ACACA: variants seen among roughly 807,000 people sequenced by gnomAD.
ACACA encodes acetyl-CoA carboxylase alpha.
In ACACA, 103 loss-of-function variants were observed where a neutral mutation model predicts 296.1. The observed-to-expected ratio is 0.35, with a 90% CI of 0.30 to 0.41. The LOEUF (loss-of-function observed/expected upper bound fraction) is 0.41, where lower values mean the gene tolerates loss of function less well. Ranked by LOEUF, ACACA falls within the 10% of genes least tolerant of loss-of-function variation. The pLI, the probability that ACACA is intolerant of heterozygous loss-of-function variation, is 1.00. For missense variants in ACACA, 1,554 were observed against 2,989.7 expected, an observed-to-expected ratio of 0.52 and a Z score of 11.20; for synonymous variants, 953 against 1,038.6, an observed-to-expected ratio of 0.92 and a Z score of 1.58.
At chr17:37,159,782 C>G (rs2076392355) in intron 42 of ACACA, among the ~76,000 whole-genome samples, 1 of 152,062 alleles carries the variant, frequency 6.6e-6, no homozygotes, top group Non-Finnish European at 1.5e-5. Context: ...TAGAATATTT[C>G]CATCATCTCC....
chr17:37,252,863 T>G, intron 15 of ACACA, 23 bp downstream of exon 15: 1 of 1,613,916 alleles, frequency 6.2e-7, no homozygotes, highest in Non-Finnish European at 8.5e-7. Flanking sequence ...AATCCCAGCA[T>G]CTGTTTGTGG....
chr17:37,164,648 T>G (rs776775705), intron 41 of ACACA, among the ~76,000 whole-genome samples: 1 of 152,222 alleles, frequency 6.6e-6, no homozygotes, highest in Non-Finnish European at 1.5e-5. Context: ...TCTAAGAAGC[T>G]AGTTAATATA....
chr17:37,173,589 T>C (rs2144700651), intron 41 of ACACA, among the ~76,000 whole-genome samples: 1 of 152,244 alleles, frequency 6.6e-6, no homozygotes, highest in East Asian at 1.9e-4. Context: ...ATTTGTCATA[T>C]CACTGTGTAT....
chr17:37,234,880 G>A, intron 25 of ACACA, 95 bp downstream of exon 25: 1 of 1,371,366 alleles, frequency 7.3e-7, no homozygotes, highest in Non-Finnish European at 1.0e-6. Flanking sequence ...ATAAAAGGCA[G>A]TAGTTTTTTT....
intron 1 of ACACA, chr17:37,365,486 C>T (rs1004515166): frequency 2.0e-5 from 20 of 985,416 alleles, no homozygotes; most frequent in Non-Finnish European, 2.4e-5. Context: ...TCCGTCTTCA[C>T]GTTGTCTCTG....
intron 3 of ACACA, among the ~76,000 whole-genome samples, chr17:37,302,232 C>T (rs1373491469): frequency 1.4e-5 from 2 of 141,274 alleles, no homozygotes; most frequent in African/African-American, 2.6e-5. Flanking sequence ...GACAGGGTTT[C>T]GCTCTTGTGA....
intron 2 of ACACA, among the ~76,000 whole-genome samples, chr17:37,332,196 A>T (rs903440380): frequency 1.1e-4 from 17 of 151,734 alleles, no homozygotes; most frequent in African/African-American, 4.1e-4. Flanking sequence ...CTGCACATGT[A>T]TCCCAGAACT....
Position 37,260,524 on chromosome 17 carries a change from G to A in ACACA, c.1330-994C>T, listed in dbSNP as rs551018896. Among the ~76,000 whole-genome samples, 8 of 149,706 alleles carry A rather than the reference G, an allele frequency of 5.3e-5. No individual in the cohort carries two copies. The South Asian group carries it at 1.3e-3, about 24-fold the overall frequency. On this transcript the variant is annotated intron_variant, in intron 11 of 55. Coordinates refer to ENST00000616317, the MANE Select transcript of ACACA (RefSeq NM_198834.3). The stretch of plus-strand genomic sequence containing the variant: ...TCATCATGTTGGCCAGGCTGGTCTC[G>A]AACTCTTGATCTCAGGTGATCCGCC...
chr17:37,099,515 A>AGGAGGGCTGATGGCG (rs2073204970), intron 52 of ACACA, among the ~76,000 whole-genome samples: 3 of 91,670 alleles, frequency 3.3e-5, no homozygotes, highest in Admixed American at 2.5e-4. Context: ...GGCTGATAGC[A>AGGAGGGCTGATGGCG]GGAGGGCTGA....
intron 16 of ACACA, among the ~76,000 whole-genome samples, 187 bp from the exon 17 acceptor site, chr17:37,248,861 G>A (rs558527384): frequency 6.6e-6 from 1 of 151,936 alleles, no homozygotes; most frequent in African/African-American, 2.4e-5. Flanking sequence ...TTTAAATTAG[G>A]GTAAAATACA....
intron 3 of ACACA, chr17:37,299,847 T>C: frequency 2.1e-6 from 2 of 973,392 alleles, no homozygotes; most frequent in Non-Finnish European, 2.4e-6. Flanking sequence ...AATGGGCTCA[T>C]GAAATCCAGA....
chr17:37,191,531 A>G (rs1417615627), intron 37 of ACACA, among the ~76,000 whole-genome samples: 1 of 152,222 alleles, frequency 6.6e-6, no homozygotes, highest in African/African-American at 2.4e-5. Flanking sequence ...AATACTGGGC[A>G]TCCCCATAGC....
rs200023720 is a variant in ACACA at position 37,237,971 on chromosome 17, G to C, written c.3121+2505C>G. ...AGACGGGGTCTTGCTATGTTGCCCA[G>C]GCTGGTCTCGAACTCCTGGGCTCAA... On this transcript the variant is annotated intron_variant, in intron 24 of 55. Transcript: ENST00000616317. Among the ~76,000 whole-genome samples, 11 of 152,254 alleles carry C rather than the reference G, an allele frequency of 7.2e-5. No individual in the cohort carries two copies. In the East Asian group the frequency reaches 1.9e-3, roughly 27 times the overall value.
At chr17:37,189,472 C>A (rs1329701736) in intron 38 of ACACA, among the ~76,000 whole-genome samples, 1 of 152,160 alleles carries the variant, frequency 6.6e-6, no homozygotes, top group African/African-American at 2.4e-5. Flanking sequence ...TATTATCATA[C>A]TTGCTTGTTA....
intron 21 of ACACA, 127 bp downstream of exon 21, chr17:37,244,461 G>A: frequency 2.7e-6 from 3 of 1,121,626 alleles, no homozygotes; most frequent in East Asian, 2.4e-5. Context: ...ACAACTGAAG[G>A]TGAAAGAGTT....
At chr17:37,173,979 AATTTATATAT>A (rs1410134565) in intron 41 of ACACA, among the ~76,000 whole-genome samples, 26 of 41,864 alleles carry the variant, frequency 6.2e-4, no homozygotes, top group African/African-American at 2.0e-3. Context: ...ACGCCTGGCT[AATTTATATAT>A]ATATATATAT....
chr17:37,226,581 C>T (rs1350745090), intron 25 of ACACA, 129 bp from the exon 26 acceptor site: 5 of 859,282 alleles, frequency 5.8e-6, no homozygotes, highest in Non-Finnish European at 9.5e-6. Flanking sequence ...TGCAAACTTC[C>T]TATTATTTTT....
chr17:37,338,764 C>T (rs1387149606), intron 2 of ACACA, among the ~76,000 whole-genome samples: 1 of 151,922 alleles, frequency 6.6e-6, no homozygotes, highest in Non-Finnish European at 1.5e-5. Context: ...CATGGTGAAA[C>T]CCCAACTTTA....
intron 41 of ACACA, among the ~76,000 whole-genome samples, chr17:37,173,982 T>TTTTA (rs1410582295): frequency 1.5e-4 from 3 of 19,440 alleles, no homozygotes; most frequent in African/African-American, 5.0e-4. Flanking sequence ...CCTGGCTAAT[T>TTTTA]TATATATATA....
Sources: allele counts gnomAD v4.1 joint callset (sites outside exome capture counted in the v4.1 genomes callset), GRCh38; gene constraint gnomAD v4.1.1; transcripts MANE v1.5; gene names NCBI Gene and HGNC (gene_info 2026-07-23, HGNC 2026-07-21).